ZRANB2: variants seen among roughly 807,000 people sequenced by gnomAD.
ZRANB2 encodes the protein zinc finger RANBP2-type containing 2.
Under a neutral mutation model 53.4 loss-of-function variants are expected in ZRANB2, and 19 were observed. The observed-to-expected ratio is 0.36, with a 90% CI of 0.25 to 0.52. The LOEUF (loss-of-function observed/expected upper bound fraction) is 0.52, where lower values mean the gene tolerates loss of function less well. ZRANB2 is among the 20% of genes least tolerant of loss of function. ZRANB2 has a pLI of 0.93. For synonymous variants in ZRANB2, 145 were observed against 134.8 expected (o/e 1.08, Z -0.52); for missense variants, 309 against 401.1 (o/e 0.77, Z 1.96).
chr1:71,076,309 C>T (rs1185350828), intron 4 of ZRANB2, among the ~76,000 whole-genome samples: 2 of 152,124 alleles, frequency 1.3e-5, no homozygotes, highest in Admixed American at 1.3e-4. Flanking sequence ...TGTTGGAAAC[C>T]CACCGCCAAA....
chr1:71,068,684 A>T (rs1001265354), intron 8 of ZRANB2, among the ~76,000 whole-genome samples: 1 of 152,192 alleles, frequency 6.6e-6, no homozygotes, highest in Admixed American at 6.5e-5. Flanking sequence ...ATATTGAAAC[A>T]ACTGCCGTGC....
At position 71,066,823 on chromosome 1, in the gene ZRANB2, T is replaced by A. The variant is rs758414020; in HGVS notation, c.882A>T (p.Ser294=). 8 of 1,612,422 alleles carry A rather than the reference T, an allele frequency of 5.0e-6. No homozygotes were observed. The African/African-American group carries it at 6.7e-5, about 13-fold the overall frequency. The part of the protein sequence containing the change: ...NRKRSRSRSS[S]SGDRKKRRTR... Reference sequence around the variant, plus strand: ...TTCGTCTTTTTTTGCGATCACCAGATGAAGAAGATCTAGAACGACTTCTCT... The same window carrying A: ...TTCGTCTTTTTTTGCGATCACCAGAAGAAGAAGATCTAGAACGACTTCTCT... The change falls in exon 9 of 10, where the codon TCA becomes TCT. Residue 294 remains serine (S), a synonymous_variant. Transcript: ENST00000370920.
chr1:71,065,557 C>A, intron 9 of ZRANB2: 3 of 1,375,382 alleles, frequency 2.2e-6, no homozygotes. Flanking sequence ...TACAGCAAGG[C>A]TTCTGTGTAT....
At chr1:71,076,180 T>TA (rs1220648385) in intron 4 of ZRANB2, among the ~76,000 whole-genome samples, 3 of 152,192 alleles carry the variant, frequency 2.0e-5, no homozygotes, top group African/African-American at 7.2e-5. Context: ...TAATTGGTGA[T>TA]AATGGAAAAA....
intron 3 of ZRANB2, 111 bp from the exon 4 acceptor site, chr1:71,076,988 A>G (rs1234919196): frequency 1.0e-4 from 81 of 794,138 alleles, no homozygotes; most frequent in Non-Finnish European, 6.2e-5. Context: ...CTGTCAAAGA[A>G]ATGTTTATTA....
intron 8 of ZRANB2, among the ~76,000 whole-genome samples, chr1:71,068,621 ATACAG>A (rs1160296441): frequency 3.3e-5 from 5 of 152,174 alleles, no homozygotes; most frequent in African/African-American, 1.2e-4. Context: ...GAAAATGTAT[ATACAG>A]TACTCTAGTA....
At chr1:71,073,873 ACT>A (rs1447339360) in intron 4 of ZRANB2, among the ~76,000 whole-genome samples, 1 of 152,028 alleles carries the variant, frequency 6.6e-6, no homozygotes, top group African/African-American at 2.4e-5. Context: ...TAGCTCATTA[ACT>A]CTGTATAAAT....
intron 1 of ZRANB2, among the ~76,000 whole-genome samples, chr1:71,079,858 G>A (rs1351333446): frequency 3.3e-5 from 5 of 151,900 alleles, no homozygotes. Context: ...TATAACTTTG[G>A]TTCTATTCAG....
At chr1:71,070,744 C>T (rs900030062) in intron 7 of ZRANB2, 83 bp downstream of exon 7, 32 of 820,420 alleles carry the variant, frequency 3.9e-5, no homozygotes, top group South Asian at 3.4e-4. Context: ...AAGTTTATTT[C>T]GTCAAGAAAA....
chr1:71,080,072 A>T (rs555619420), intron 1 of ZRANB2, among the ~76,000 whole-genome samples: 2 of 152,338 alleles, frequency 1.3e-5, no homozygotes, highest in East Asian at 3.9e-4. Context: ...TTTATTTCAA[A>T]GTTTTTGCTT....
At chr1:71,066,208 T>TGTCA (rs1284847634) in intron 9 of ZRANB2, 1 of 158,136 alleles carries the variant, frequency 6.3e-6, no homozygotes. Flanking sequence ...ATATTAAAAG[T>TGTCA]GTCAGTACAG....
chr1:71,069,830 G>A (rs187380378), intron 7 of ZRANB2, among the ~76,000 whole-genome samples: 4 of 152,168 alleles, frequency 2.6e-5, no homozygotes, highest in Admixed American at 1.3e-4. Flanking sequence ...TTTACTCAAT[G>A]CTTAGAGAAT....
intron 1 of ZRANB2, 133 bp downstream of exon 1, chr1:71,080,807 C>T: frequency 9.8e-6 from 10 of 1,018,160 alleles, no homozygotes; most frequent in Non-Finnish European, 1.5e-5. Flanking sequence ...TTCTTCCCGC[C>T]AGGGAACTGG....
chr1:71,072,661 C>T, intron 4 of ZRANB2, 113 bp from the exon 5 acceptor site: 2 of 720,514 alleles, frequency 2.8e-6, no homozygotes, highest in Non-Finnish European at 4.6e-6. Context: ...GGCTGCCTAC[C>T]CATCTAATAA....
At chr1:71,068,403 A>G (rs1661507872) in intron 8 of ZRANB2, among the ~76,000 whole-genome samples, 1 of 152,218 alleles carries the variant, frequency 6.6e-6, no homozygotes, top group Non-Finnish European at 1.5e-5. Context: ...CAAAGAGAGC[A>G]TATTTTGACT....
At chr1:71,073,529 T>A (rs1396161218) in intron 4 of ZRANB2, among the ~76,000 whole-genome samples, 1 of 151,904 alleles carries the variant, frequency 6.6e-6, no homozygotes, top group African/African-American at 2.4e-5. Context: ...AAAATATTTT[T>A]AAAATTTCAC....
chr1:71,078,829 A>C, intron 1 of ZRANB2, 121 bp from the exon 2 acceptor site: 1 of 830,678 alleles, frequency 1.2e-6, no homozygotes. Context: ...TGTTAATGTC[A>C]ATGTTACCAA....
At chr1:71,068,167 G>A (rs193104885) in intron 8 of ZRANB2, among the ~76,000 whole-genome samples, 4 of 151,942 alleles carry the variant, frequency 2.6e-5, no homozygotes, top group South Asian at 2.1e-4. Flanking sequence ...GCCTGGCCTT[G>A]TTATCTATTT....
intron 6 of ZRANB2, 62 bp downstream of exon 6, chr1:71,072,059 C>G: frequency 6.4e-7 from 1 of 1,556,916 alleles, no homozygotes. Context: ...CTGTCAAAAG[C>G]ATTCATGTTA....
Sources: allele counts gnomAD v4.1 joint callset (sites outside exome capture counted in the v4.1 genomes callset), GRCh38; gene constraint gnomAD v4.1.1; transcripts MANE v1.5; gene names NCBI Gene and HGNC (gene_info 2026-07-23, HGNC 2026-07-21).